AFF3: variants seen among roughly 807,000 people sequenced by gnomAD.
AFF3 encodes the protein ALF transcription elongation factor 3.
AFF3 carries 32 observed loss-of-function variants against 129.7 expected under a neutral mutation model. The ratio of observed to expected loss-of-function variants is 0.25; its 90% CI spans 0.19 to 0.33. AFF3 has a LOEUF of 0.33. AFF3 is among the 10% of genes least tolerant of loss of function. AFF3 has a pLI of 1.00. For missense variants in AFF3, 1,373 were observed against 1,592.0 expected, an observed-to-expected ratio of 0.86 and a Z score of 2.34; for synonymous variants, 644 against 635.4, an observed-to-expected ratio of 1.01 and a Z score of -0.20.
At chr2:99,877,076 T>C (rs1003495465) in intron 7 of AFF3, among the ~76,000 whole-genome samples, 3 of 152,160 alleles carry the variant, frequency 2.0e-5, no homozygotes, top group African/African-American at 7.2e-5. Flanking sequence ...AGGTCTAACC[T>C]AACAACATTT....
chr2:99,816,260 C>G (rs1012945329), intron 8 of AFF3, among the ~76,000 whole-genome samples: 6 of 152,090 alleles, frequency 3.9e-5, no homozygotes, highest in Admixed American at 3.3e-4. Context: ...TGCTGTTTAC[C>G]TTCTCCATAA....
intron 13 of AFF3, among the ~76,000 whole-genome samples, chr2:99,623,171 A>G (rs1203967256): frequency 1.6e-5 from 2 of 121,976 alleles, no homozygotes; most frequent in African/African-American, 3.2e-5. Flanking sequence ...TTTTTTTTTT[A>G]ACTTATAAGA....
intron 7 of AFF3, among the ~76,000 whole-genome samples, chr2:99,990,417 G>A (rs1680237800): frequency 6.6e-6 from 1 of 151,510 alleles, no homozygotes; most frequent in African/African-American, 2.4e-5. Flanking sequence ...TAGTTAAGAT[G>A]GTAAATTTTA....
chr2:99,809,234 T>G (rs1363101713), intron 8 of AFF3, among the ~76,000 whole-genome samples: 1 of 152,114 alleles, frequency 6.6e-6, no homozygotes, highest in African/African-American at 2.4e-5. Context: ...GAGTGAAGGT[T>G]CAATAGAAAA....
At chr2:99,665,810 CCA>C (rs924991021) in intron 12 of AFF3, among the ~76,000 whole-genome samples, 1 of 152,110 alleles carries the variant, frequency 6.6e-6, no homozygotes, top group African/African-American at 2.4e-5. Flanking sequence ...AGAAGAGAAG[CCA>C]GAGGGGCAGG....
intron 7 of AFF3, among the ~76,000 whole-genome samples, chr2:99,974,219 AG>A: frequency 6.6e-6 from 1 of 152,244 alleles, no homozygotes; most frequent in East Asian, 1.9e-4. Context: ...TTTTTAATTA[AG>A]TGAATCTCTA....
chr2:99,955,761 C>T lies in AFF3; in HGVS notation c.873+50871G>A, dbSNP rs376152477. On this transcript the variant is annotated intron_variant, in intron 7 of 24. Transcript: ENST00000672756. ...TTTGTTTCTTCATCATTTAAGGAAG[C>T]GGGACACTGTTCCATGAAATCATTC... Among the ~76,000 whole-genome samples, 60 of 152,248 alleles carry T rather than the reference C, an allele frequency of 3.9e-4. 1 individual carries two copies. Among genetic ancestry groups the T allele is most frequent in the African/African-American group, 1.2e-3 (51 of 41,552 alleles).
At chr2:99,642,076 T>C (rs1053593586) in intron 13 of AFF3, among the ~76,000 whole-genome samples, 1 of 152,122 alleles carries the variant, frequency 6.6e-6, no homozygotes. Context: ...AAAACATAAG[T>C]ATGAATAGTT....
At chr2:100,080,725 A>G (rs1417087082) in intron 4 of AFF3, among the ~76,000 whole-genome samples, 2 of 152,202 alleles carry the variant, frequency 1.3e-5, no homozygotes, top group African/African-American at 4.8e-5. Context: ...ACCCCCGGCC[A>G]GGATGCAGCC....
intron 16 of AFF3, among the ~76,000 whole-genome samples, chr2:99,586,843 T>C (rs1029467657): frequency 1.3e-5 from 2 of 152,216 alleles, no homozygotes; most frequent in Non-Finnish European, 2.9e-5. Context: ...GCGGTTACCA[T>C]TAAAATATTG....
intron 11 of AFF3, among the ~76,000 whole-genome samples, chr2:99,714,379 A>C (rs962804137): frequency 6.6e-6 from 1 of 152,190 alleles, no homozygotes; most frequent in African/African-American, 2.4e-5. Context: ...AGGAACTTGA[A>C]GAGGCCCTTT....
intron 7 of AFF3, 116 bp from the exon 8 acceptor site, chr2:99,837,640 G>T: frequency 3.4e-6 from 3 of 883,914 alleles, no homozygotes; most frequent in Non-Finnish European, 5.4e-6. Flanking sequence ...GTTACAGGTT[G>T]AGGGGATGCC....
chr2:99,600,411 T>C (rs1679708337), intron 14 of AFF3, among the ~76,000 whole-genome samples: 1 of 152,164 alleles, frequency 6.6e-6, no homozygotes, highest in Non-Finnish European at 1.5e-5. Context: ...GAACCTGAGA[T>C]GGAACCACTG....
chr2:99,554,654 C>G (rs372415492), intron 23 of AFF3, 29 bp downstream of exon 23: 3 of 1,613,914 alleles, frequency 1.9e-6, no homozygotes, highest in Non-Finnish European at 2.5e-6. Flanking sequence ...GTCTGGCTTA[C>G]GGCATTGACT....
chr2:99,950,152 AC>A (rs1172598500), intron 7 of AFF3, among the ~76,000 whole-genome samples: 2 of 152,228 alleles, frequency 1.3e-5, no homozygotes, highest in Admixed American at 6.5e-5. Flanking sequence ...GCTAAATCTT[AC>A]GTACATGTGC....
intron 8 of AFF3, among the ~76,000 whole-genome samples, chr2:99,833,105 C>T (rs1301285225): frequency 6.6e-6 from 1 of 152,156 alleles, no homozygotes; most frequent in Non-Finnish European, 1.5e-5. Context: ...ATTTGATTGA[C>T]ATTTGTGAGC....
chr2:99,623,100 A>G (rs956504019), intron 13 of AFF3, among the ~76,000 whole-genome samples: 2 of 151,730 alleles, frequency 1.3e-5, no homozygotes, highest in Non-Finnish European at 2.9e-5. Context: ...CGTTAACTCC[A>G]AGGAGCAAAA....
At chr2:99,809,858 T>C (rs1686654465) in intron 8 of AFF3, among the ~76,000 whole-genome samples, 1 of 152,182 alleles carries the variant, frequency 6.6e-6, no homozygotes, top group Non-Finnish European at 1.5e-5. Flanking sequence ...AGGTGTTATA[T>C]TTTTATAAGA....
chr2:99,636,734 G>C (rs1407128708), intron 13 of AFF3, among the ~76,000 whole-genome samples: 2 of 152,176 alleles, frequency 1.3e-5, no homozygotes, highest in Non-Finnish European at 2.9e-5. Context: ...GCCAGCCACA[G>C]CCGGGAGCCA....
Sources: allele counts gnomAD v4.1 joint callset (sites outside exome capture counted in the v4.1 genomes callset), GRCh38; gene constraint gnomAD v4.1.1; transcripts MANE v1.5; gene names NCBI Gene and HGNC (gene_info 2026-07-23, HGNC 2026-07-21).